Variants in ZNF354B observed in about 807,000 individuals in gnomAD.
The protein encoded by ZNF354B is zinc finger protein 354B.
Under a neutral mutation model 12.9 loss-of-function variants are expected in ZNF354B, and 10 were observed. That is an observed-to-expected ratio of 0.77 (90% CI 0.48 to 1.31). The LOEUF (loss-of-function observed/expected upper bound fraction) is 1.31, where lower values mean the gene tolerates loss of function less well. Among genes scored for constraint, ZNF354B ranks in the 40% most tolerant of loss-of-function variants. The pLI is 0.00. For missense variants in ZNF354B, 614 were observed against 711.7 expected (o/e 0.86, Z 1.56); for synonymous variants, 260 against 243.7 (o/e 1.07, Z -0.62).
intron 2 of ZNF354B, among the ~76,000 whole-genome samples, chr5:178,861,498 T>C (rs1757347665): frequency 6.6e-6 from 1 of 152,228 alleles, no homozygotes; most frequent in South Asian, 2.1e-4. Context: ...CGCATCGTTG[T>C]TAGTTTTTTG....
chr5:178,866,627 C>G (rs1757462161), intron 3 of ZNF354B, among the ~76,000 whole-genome samples: 1 of 152,146 alleles, frequency 6.6e-6, no homozygotes, highest in Non-Finnish European at 1.5e-5. Flanking sequence ...TCTCATAGTT[C>G]AGGCAGCATT....
At chr5:178,882,683 G>A in intron 4 of ZNF354B, 26 bp from the exon 5 acceptor site, 1 of 1,525,850 alleles carries the variant, frequency 6.6e-7, no homozygotes, top group East Asian at 2.3e-5. Context: ...ATCATGGGCT[G>A]TTGCTTTCTT....
chr5:178,879,228 G>T (rs1402484929), intron 4 of ZNF354B, among the ~76,000 whole-genome samples: 1 of 151,572 alleles, frequency 6.6e-6, no homozygotes, highest in Non-Finnish European at 1.5e-5. Context: ...TTTGTGTTTA[G>T]TAGAGATGGG....
intron 2 of ZNF354B, among the ~76,000 whole-genome samples, chr5:178,862,762 A>C (rs985900785): frequency 3.3e-5 from 5 of 152,188 alleles, no homozygotes; most frequent in Admixed American, 2.0e-4. Flanking sequence ...TTGTCCTCGA[A>C]GGCATTCCTA....
chr5:178,863,859 A>T (rs1757402463), intron 2 of ZNF354B, among the ~76,000 whole-genome samples: 1 of 152,228 alleles, frequency 6.6e-6, no homozygotes, highest in African/African-American at 2.4e-5. Context: ...TTAACAAAAA[A>T]ATTTTTAAAG....
At chr5:178,868,861 A>T (rs1047474010) in intron 4 of ZNF354B, among the ~76,000 whole-genome samples, 1 of 151,676 alleles carries the variant, frequency 6.6e-6, no homozygotes, top group African/African-American at 2.4e-5. Context: ...AGTCCCAGCT[A>T]CTCGGGAGAC....
chr5:178,867,384 G>C (rs1278147205), intron 4 of ZNF354B, among the ~76,000 whole-genome samples: 1 of 152,200 alleles, frequency 6.6e-6, no homozygotes, highest in Non-Finnish European at 1.5e-5. Flanking sequence ...GGGTGTATTT[G>C]GGAAAGGAGG....
At chr5:178,879,689 A>G (rs1757690518) in intron 4 of ZNF354B, among the ~76,000 whole-genome samples, 1 of 152,186 alleles carries the variant, frequency 6.6e-6, no homozygotes, top group South Asian at 2.1e-4. Flanking sequence ...CAGAAACCAG[A>G]GTTTTTAAAT....
chr5:178,863,296 A>G (rs61310482), intron 2 of ZNF354B, among the ~76,000 whole-genome samples: 22,547 of 152,142 alleles, frequency 0.15, 2,048 homozygotes, highest in African/African-American at 0.25. Flanking sequence ...GTGTATATAT[A>G]TGTGCATATG....
At chr5:178,863,981 C>G (rs894874692) in intron 2 of ZNF354B, among the ~76,000 whole-genome samples, 9 of 151,938 alleles carry the variant, frequency 5.9e-5, no homozygotes, top group African/African-American at 2.2e-4. Flanking sequence ...AGTGTTACTA[C>G]AAAAGAGTCA....
chr5:178,876,357 C>T (rs1757638350), intron 4 of ZNF354B, among the ~76,000 whole-genome samples: 1 of 152,182 alleles, frequency 6.6e-6, no homozygotes, highest in Non-Finnish European at 1.5e-5. Flanking sequence ...TCACTGTGCC[C>T]CCTCCAGAGC....
At chr5:178,862,983 C>T (rs1438884519) in intron 2 of ZNF354B, among the ~76,000 whole-genome samples, 1 of 152,194 alleles carries the variant, frequency 6.6e-6, no homozygotes, top group Non-Finnish European at 1.5e-5. Context: ...CTTGCTGCTA[C>T]CTCTAGCAAA....
At chr5:178,865,589 C>T (rs940243299) in intron 2 of ZNF354B, among the ~76,000 whole-genome samples, 3 of 147,442 alleles carry the variant, frequency 2.0e-5, no homozygotes, top group Admixed American at 6.7e-5. Context: ...ATTGCTTCGC[C>T]TCTCAGTGAC....
chr5:178,873,207 A>G (rs1234433755), intron 4 of ZNF354B, among the ~76,000 whole-genome samples: 3 of 152,300 alleles, frequency 2.0e-5, no homozygotes, highest in Non-Finnish European at 4.4e-5. Flanking sequence ...TAGTTGCCGG[A>G]TATGTGGTTC....
intron 2 of ZNF354B, among the ~76,000 whole-genome samples, chr5:178,862,182 C>A (rs914987325): frequency 6.6e-6 from 1 of 151,950 alleles, no homozygotes; most frequent in Non-Finnish European, 1.5e-5. Context: ...ACAACAATTA[C>A]AATTCTTGTT....
chr5:178,860,292 G>GTGCCGC (rs979253981), intron 1 of ZNF354B, among the ~76,000 whole-genome samples, 165 bp downstream of exon 1: 4 of 151,922 alleles, frequency 2.6e-5, no homozygotes, highest in Non-Finnish European at 5.9e-5. Flanking sequence ...GGCCGCTCCG[G>GTGCCGC]TGCCGCTGCC....
Position 178,867,246 on chromosome 5 carries a change from A to G in ZNF354B, c.256+175A>G, listed in dbSNP as rs551073508. On this transcript the variant is annotated intron_variant, in intron 4 of 4. Transcript: ENST00000322434. The stretch of plus-strand genomic sequence containing the variant: ...ATTAGTCACTTGTAATCACTTCCCC[A>G]TGAATCTCTCAGCATCTCTTTTCTT... 3.4e-4 allele frequency among the ~76,000 whole-genome samples: 51 copies of G among 152,164 alleles called. 1 individual carries two copies. Among genetic ancestry groups the G allele is most frequent in the Admixed American group, 3.3e-3 (50 of 15,306 alleles).
intron 2 of ZNF354B, among the ~76,000 whole-genome samples, chr5:178,861,665 C>CTCAG (rs1554102974): frequency 2.6e-5 from 3 of 116,668 alleles, no homozygotes; most frequent in Non-Finnish European, 6.2e-5. Flanking sequence ...ACTCGCAGGA[C>CTCAG]ACAGAAGACC....
At chr5:178,876,753 TA>T (rs1324792007) in intron 4 of ZNF354B, among the ~76,000 whole-genome samples, 3 of 152,228 alleles carry the variant, frequency 2.0e-5, no homozygotes, top group African/African-American at 7.2e-5. Flanking sequence ...GTTTTCTTTT[TA>T]TTGATACTTC....
Sources: allele counts gnomAD v4.1 joint callset (sites outside exome capture counted in the v4.1 genomes callset), GRCh38; gene constraint gnomAD v4.1.1; transcripts MANE v1.5; gene names NCBI Gene and HGNC (gene_info 2026-07-23, HGNC 2026-07-21).